Variants in STRN4 observed in about 807,000 individuals in gnomAD.
STRN4 encodes striatin 4, also known as striatin-4.
In STRN4, 27 loss-of-function variants were observed where a neutral mutation model predicts 77.9. The ratio of observed to expected loss-of-function variants is 0.35; its 90% CI spans 0.26 to 0.48. The LOEUF (loss-of-function observed/expected upper bound fraction) is 0.48. Ranked by LOEUF, STRN4 falls within the 20% of genes least tolerant of loss-of-function variation. STRN4 has a pLI of 0.99. For synonymous variants in STRN4, 466 were observed against 443.1 expected (o/e 1.05, Z -0.65); for missense variants, 798 against 1,049.7 (o/e 0.76, Z 3.31).
intron 11 of STRN4, 103 bp downstream of exon 11, chr19:46,725,229 T>C: frequency 6.6e-7 from 1 of 1,508,836 alleles, no homozygotes; most frequent in Admixed American, 1.7e-5. Context: ...AGCCCCCTGC[T>C]GTCCTGCCTC....
intron 5 of STRN4, chr19:46,732,347 C>G (rs2054272885): frequency 6.6e-6 from 1 of 152,664 alleles, no homozygotes; most frequent in South Asian, 2.0e-4. Flanking sequence ...AACTCAGACT[C>G]TATCCCAGCC....
At chr19:46,728,297 C>A (rs2054168916) in intron 7 of STRN4, 1 of 590,436 alleles carries the variant, frequency 1.7e-6, no homozygotes, top group African/African-American at 1.9e-5. Flanking sequence ...GCGGCCCTCC[C>A]ACCTGCCTCT....
rs182059699 is a variant in STRN4, at chr19:46,724,780, G to C, written c.1594+27C>G. ...GACGGCCAGGCCCCAGTGGATGTGA[G>C]GGGAAGGCGGGAGGCGTTGTCCTCA... is the stretch of plus-strand genomic sequence containing the variant. On this transcript the variant is annotated intron_variant, in intron 12 of 17. Coordinates refer to ENST00000263280, the MANE Select transcript of STRN4 (RefSeq NM_013403.3). 1,533 of 1,613,816 alleles carry C rather than the reference G, an allele frequency of 9.5e-4. 18 individuals carry two copies. The African/African-American group carries it at 0.018, about 19-fold the overall frequency.
rs773122360 is a variant in STRN4, at chr19:46,727,657, G to C, written c.1154-111C>G. On this transcript the variant is annotated intron_variant, in intron 8 of 17. Coordinates refer to ENST00000263280, the MANE Select transcript of STRN4 (RefSeq NM_013403.3). ...AGAGAAAGAGATAAAGAGCAAGAGAGAGAGACGGGGAGAGGACAAGATGAA... is the reference window on the plus strand; with the variant it reads ...AGAGAAAGAGATAAAGAGCAAGAGACAGAGACGGGGAGAGGACAAGATGAA... The C allele has an allele frequency of 3.5e-6, 3 of 863,126 alleles. No individual in the cohort carries two copies. In the African/African-American group the frequency reaches 5.0e-5, roughly 15 times the overall value. 53.5% of individuals were successfully genotyped at this position (863,126 alleles called of 1,614,324 possible). A position where few individuals can be genotyped will look rare whatever the true frequency, so the allele number is the denominator to read the frequency against.
At position 46,722,811 on chromosome 19, in the gene STRN4, G is replaced by A. The variant is rs1454013500; in HGVS notation, c.1905C>T (p.Ser635=). Residue 635 remains serine (S), a splice_region_variant and synonymous_variant, in exon 14 of 18, where the codon AGC becomes AGT. Coordinates refer to ENST00000263280, the MANE Select transcript of STRN4 (RefSeq NM_013403.3). ...ALLTLESRGS[S]GPTQINQVVS... is the part of the protein sequence containing the mutation. ...ATGAGCTGATGTCAGCCCCCTTACC[G>A]CTGCTGCCCCGGGACTCCAGCGTGA... 8 of 1,613,652 alleles carry A rather than the reference G, an allele frequency of 5.0e-6. No individual in the cohort carries two copies. Among genetic ancestry groups the A allele is most frequent in the East Asian group, 2.2e-5 (1 of 44,878 alleles).
At position 46,723,370 on chromosome 19, in the gene STRN4, C is replaced by G. The variant is rs970243947; in HGVS notation, c.1595-86G>C. On this transcript the variant is annotated intron_variant, in intron 12 of 17. Transcript: ENST00000263280. This position sits in a 1 kb window ranked among gnomAD's most constrained non-coding sequence, Gnocchi z 5.5. ...CCCAGAGCCCCAGCTCTGCCAAGCC[C>G]CAGGCAGCTGGGCTCCAATCACCCA... The G allele has an allele frequency of 2.1e-6, 3 of 1,446,770 alleles. No individual in the cohort carries two copies. The highest frequency in any genetic ancestry group is 2.4e-5 in the Admixed American group (1 of 41,038). The allele number at this position is 1,446,770 out of a possible 1,614,324, so 89.6% of individuals were successfully genotyped here.
chr19:46,729,912 C>T (rs1023214190), intron 6 of STRN4, among the ~76,000 whole-genome samples: 2 of 152,182 alleles, frequency 1.3e-5, no homozygotes, highest in South Asian at 4.1e-4. Flanking sequence ...GGGCCAGGGC[C>T]CCCTGGGAGC....
intron 1 of STRN4, among the ~76,000 whole-genome samples, chr19:46,743,691 G>C (rs28447297): frequency 0.038 from 5,738 of 152,194 alleles, 328 homozygotes; most frequent in African/African-American, 0.13. Flanking sequence ...CTTGAGGCCA[G>C]GAGTTCGAAA....
intron 4 of STRN4, among the ~76,000 whole-genome samples, chr19:46,735,347 C>T (rs965524744): frequency 2.6e-5 from 4 of 152,086 alleles, no homozygotes; most frequent in Non-Finnish European, 5.9e-5. Context: ...AAATGAAATA[C>T]ATAAACTGAG....
chr19:46,745,185 A>G (rs2054557004), intron 1 of STRN4, among the ~76,000 whole-genome samples: 1 of 151,916 alleles, frequency 6.6e-6, no homozygotes, highest in Admixed American at 6.6e-5. Flanking sequence ...GACATGCCCA[A>G]CACCCCACAC....
chr19:46,720,298 A>C lies in STRN4; in HGVS notation c.*107T>G. ...CCACCAGGCTCCATGGCAAACAGAC[A>C]GAGGCCAGGCCTCTGCACCTCCAGC... On this transcript the variant is annotated 3_prime_UTR_variant, in exon 18 of 18. Coordinates refer to ENST00000263280, the MANE Select transcript of STRN4 (RefSeq NM_013403.3). The C allele has an allele frequency of 3.5e-6, 1 of 282,088 alleles. No individual in the cohort carries two copies. The highest frequency in any genetic ancestry group is 6.6e-6 in the Non-Finnish European group (1 of 151,380). The allele number at this position is 282,088 out of a possible 1,614,324, so 17.5% of individuals were successfully genotyped here.
At position 46,741,167 on chromosome 19, in the gene STRN4, G is replaced by A. The variant is rs557014359; in HGVS notation, c.283-2279C>T. On this transcript the variant is annotated intron_variant, in intron 1 of 17. Coordinates refer to ENST00000263280, the MANE Select transcript of STRN4 (RefSeq NM_013403.3). This position sits in a 1 kb window ranked among gnomAD's most constrained non-coding sequence, Gnocchi z 4.9. Reference sequence around the variant, plus strand: ...CAGGAGAGCGGCAGAGCTGGACACAGAGACCCCCATCACAGATGAGGGCAG... The same window carrying A: ...CAGGAGAGCGGCAGAGCTGGACACAAAGACCCCCATCACAGATGAGGGCAG... Among the ~76,000 whole-genome samples, 1 of 152,318 alleles carries A rather than the reference G, an allele frequency of 6.6e-6. No individual in the cohort carries two copies. The highest frequency in any genetic ancestry group is 1.9e-4 in the East Asian group (1 of 5,182).
intron 7 of STRN4, chr19:46,728,384 C>A: frequency 1.6e-6 from 1 of 627,796 alleles, no homozygotes. Context: ...GCTGGCGGCC[C>A]CACTTCAGGA....
At chr19:46,739,081 G>A (rs2054426397) in intron 1 of STRN4, among the ~76,000 whole-genome samples, 193 bp from the exon 2 acceptor site, 1 of 152,198 alleles carries the variant, frequency 6.6e-6, no homozygotes, top group Admixed American at 6.5e-5. Context: ...CTGTTTCCAG[G>A]GCCCCCTGCC....
At chr19:46,727,751 G>A (rs1039733560) in intron 8 of STRN4, 143 bp downstream of exon 8, 1 of 820,208 alleles carries the variant, frequency 1.2e-6, no homozygotes, top group African/African-American at 1.7e-5. Context: ...GAGACAGACA[G>A]ACAGACGAAC....
In STRN4 at chr19:46,723,245, TC is replaced by T; in HGVS notation, c.1633del (p.Asp545ThrfsTer100). Reference sequence around the variant, plus strand: ...ACTGAAGGCCAGGCCCCACACGGCGTCCCCGTGGCCCTCCAGGACGTGGCTC... The same window carrying T: ...ACTGAAGGCCAGGCCCCACACGGCGTCCCGTGGCCCTCCAGGACGTGGCTC... ...VLSHVLEGHG[D>X]AVWGLAFSPT... On this transcript the variant is annotated frameshift_variant, in exon 13 of 18. Transcript: ENST00000263280. LOFTEE classifies it high-confidence loss of function. This position sits in a 1 kb window ranked among gnomAD's most constrained non-coding sequence, Gnocchi z 5.5. The T allele has an allele frequency of 1.3e-6, 2 of 1,550,726 alleles. No individual in the cohort carries two copies. The highest frequency in any genetic ancestry group is 8.7e-7 in the Non-Finnish European group (1 of 1,148,156).
intron 4 of STRN4, among the ~76,000 whole-genome samples, chr19:46,735,904 C>T (rs1360231906): frequency 6.6e-6 from 1 of 151,674 alleles, no homozygotes; most frequent in Non-Finnish European, 1.5e-5. Flanking sequence ...GCAGAGGTTG[C>T]AGTGAGCCGA....
rs576857604 is a variant in STRN4 at position 46,744,960 on chromosome 19, A to T, written c.282+1189T>A. On this transcript the variant is annotated intron_variant, in intron 1 of 17. Coordinates refer to ENST00000263280, the MANE Select transcript of STRN4 (RefSeq NM_013403.3). ...AACTCCTCAGACTCTTCCATTCAACATCCCTGTCCCAAGCTACCCCAAAAA... is the reference window on the plus strand; with the variant it reads ...AACTCCTCAGACTCTTCCATTCAACTTCCCTGTCCCAAGCTACCCCAAAAA... 4.7e-4 allele frequency among the ~76,000 whole-genome samples: 71 copies of T among 151,896 alleles called. 1 individual carries two copies. Among genetic ancestry groups the T allele is most frequent in the African/African-American group, 1.7e-3 (70 of 41,386 alleles).
chr19:46,746,117 T>C (rs934736564), intron 1 of STRN4, 32 bp downstream of exon 1: 3 of 1,253,682 alleles, frequency 2.4e-6, no homozygotes, highest in Middle Eastern at 2.5e-4. Flanking sequence ...CCGGGCCGGG[T>C]TGGGGGTCGG....
Sources: gnomAD v4.1 joint callset for allele counts (sites outside exome capture counted in the v4.1 genomes callset) on GRCh38, gnomAD v4.1.1 for gene constraint, Gnocchi (gnomAD v3.1) non-coding constraint, MANE v1.5 for transcripts, NCBI Gene and HGNC (gene_info 2026-07-23, HGNC 2026-07-21) for gene names.